NSD1: variants seen among roughly 807,000 people sequenced by gnomAD.
NSD1 encodes histone-lysine N-methyltransferase, H3 lysine-36 specific.
In NSD1, 26 loss-of-function variants were observed where a neutral mutation model predicts 242.7. The observed-to-expected ratio is 0.11, with a 90% confidence interval of 0.08 to 0.15. NSD1 has a LOEUF of 0.15. NSD1 is among the 10% of genes least tolerant of loss of function. The pLI, the probability that NSD1 is intolerant of heterozygous loss-of-function variation, is 1.00. For missense variants in NSD1, 2,495 were observed against 3,272.8 expected (o/e 0.76, Z 5.80); for synonymous variants, 1,106 against 1,178.1 (o/e 0.94, Z 1.25).
chr5:177,221,938 TAGCTGGG>T (rs1378830502), intron 5 of NSD1, among the ~76,000 whole-genome samples: 1 of 152,098 alleles, frequency 6.6e-6, no homozygotes, highest in African/African-American at 2.4e-5. Context: ...GCCTCCTAAG[TAGCTGGG>T]ACTACAGGGT....
chr5:177,152,554 C>A (rs1400791483), intron 2 of NSD1, among the ~76,000 whole-genome samples: 1 of 147,762 alleles, frequency 6.8e-6, no homozygotes, highest in African/African-American at 2.5e-5. Context: ...CCCGGGTTCA[C>A]GCCATTCTCC....
Position 177,210,212 on chromosome 5 carries a change from GAGA to G in NSD1, c.1818_1820del (p.Lys606del). On this transcript the variant is annotated inframe_deletion, in exon 5 of 23. Transcript: ENST00000439151. ...TGCTTTGATCTCAAAGTGTTCTCGA[GAGA>G]AGAATAAACCCCAACGAAGCCTGGT... 1 of 1,596,538 alleles carries G rather than the reference GAGA, an allele frequency of 6.3e-7. No individual in the cohort carries two copies. Among genetic ancestry groups the G allele is most frequent in the Non-Finnish European group, 8.5e-7 (1 of 1,172,174 alleles).
chr5:177,237,062 C>T (rs551513595), intron 6 of NSD1, among the ~76,000 whole-genome samples: 12 of 152,112 alleles, frequency 7.9e-5, no homozygotes, highest in Non-Finnish European at 1.6e-4. Context: ...TGGCTGGTCT[C>T]GAATTCCTGG....
intron 3 of NSD1, among the ~76,000 whole-genome samples, chr5:177,194,761 G>C (rs1395301513): frequency 7.1e-6 from 1 of 140,848 alleles, no homozygotes; most frequent in Non-Finnish European, 1.5e-5. Flanking sequence ...GAGTGCAGTG[G>C]CACAATCTCG....
chr5:177,281,188 T>A (rs1276913178), intron 18 of NSD1, among the ~76,000 whole-genome samples: 1 of 152,170 alleles, frequency 6.6e-6, no homozygotes, highest in African/African-American at 2.4e-5. Context: ...AATAAAACAT[T>A]TTTAGTGAGG....
At chr5:177,242,514 A>ATTATTTAT (rs10605953) in intron 8 of NSD1, among the ~76,000 whole-genome samples, 14,226 of 145,446 alleles carry the variant, frequency 0.098, 1,087 homozygotes, top group African/African-American at 0.21. Context: ...AATGGCCTTT[A>ATTATTTAT]TTATTTATTT....
At chr5:177,150,799 G>A (rs1429408289) in intron 2 of NSD1, among the ~76,000 whole-genome samples, 1 of 152,114 alleles carries the variant, frequency 6.6e-6, no homozygotes, top group Non-Finnish European at 1.5e-5. Flanking sequence ...GATTTCTCTT[G>A]ATGCTGTAAT....
intron 5 of NSD1, among the ~76,000 whole-genome samples, chr5:177,223,434 G>A (rs151204045): frequency 6.6e-6 from 1 of 151,926 alleles, no homozygotes; most frequent in African/African-American, 2.4e-5. Context: ...TTAGCCGGAT[G>A]TGGTAGCAGA....
intron 14 of NSD1, chr5:177,265,803 T>C (rs1433528684): frequency 4.3e-6 from 6 of 1,399,216 alleles, no homozygotes; most frequent in Non-Finnish European, 6.1e-6. Context: ...CCGGTCCTCT[T>C]GTGGCAGTGC....
At chr5:177,241,410 CAGG>C (rs1160925627) in intron 8 of NSD1, among the ~76,000 whole-genome samples, 3 of 151,210 alleles carry the variant, frequency 2.0e-5, no homozygotes, top group African/African-American at 7.3e-5. Flanking sequence ...GAGGCTGAGA[CAGG>C]AGAATTGCTG....
chr5:177,228,818 T>G (rs1261254496), intron 5 of NSD1, among the ~76,000 whole-genome samples: 1 of 152,228 alleles, frequency 6.6e-6, no homozygotes, highest in Non-Finnish European at 1.5e-5. Context: ...TCGTACATTT[T>G]ATGTATACAA....
At position 177,211,126 on chromosome 5, in the gene NSD1, A is replaced by G. The variant is rs935497515; in HGVS notation, c.2727A>G (p.Thr909=). The G allele has an allele frequency of 6.2e-7, 1 of 1,614,184 alleles. No individual in the cohort carries two copies. ...IPIEPDYKFS[T]LLMMLKDMHD... Reference sequence around the variant, plus strand: ...TTGAACCAGACTACAAATTCAGTACATTGCTAATGATGTTGAAAGATATGC... The same window carrying G: ...TTGAACCAGACTACAAATTCAGTACGTTGCTAATGATGTTGAAAGATATGC... Residue 909 remains threonine (T), a synonymous_variant, in exon 5 of 23, where the codon ACA becomes ACG. Coordinates refer to ENST00000439151, the MANE Select transcript of NSD1 (RefSeq NM_022455.5).
chr5:177,138,094 AAAACAAAC>A (rs140274552), intron 2 of NSD1, among the ~76,000 whole-genome samples: 52 of 136,176 alleles, frequency 3.8e-4, no homozygotes, highest in East Asian at 1.2e-3. Context: ...AAACAACAAA[AAAACAAAC>A]AAACAAACAA....
intron 17 of NSD1, among the ~76,000 whole-genome samples, chr5:177,277,933 C>T (rs1285786942): frequency 6.6e-6 from 1 of 152,184 alleles, no homozygotes; most frequent in East Asian, 1.9e-4. Flanking sequence ...AAAAATATTT[C>T]GAATCAGAAG....
intron 2 of NSD1, among the ~76,000 whole-genome samples, chr5:177,141,446 T>A (rs1756811764): frequency 6.9e-6 from 1 of 145,720 alleles, no homozygotes; most frequent in African/African-American, 2.5e-5. Flanking sequence ...TTCTTGTGCC[T>A]CAGCCTCCCA....
chr5:177,280,651 C>G lies in NSD1; in HGVS notation c.5709C>G (p.Asn1903Lys). 1 of 1,614,192 alleles carries G rather than the reference C, an allele frequency of 6.2e-7. No individual in the cohort carries two copies. The highest frequency in any genetic ancestry group is 8.5e-7 in the Non-Finnish European group (1 of 1,180,040). The change falls in exon 18 of 23, where the codon AAC becomes AAG. Residue 1903 changes from asparagine (N) to lysine (K), a missense_variant. Physicochemically the swap from Asn to Lys is moderately conservative, Grantham distance 94. Coordinates refer to ENST00000439151, the MANE Select transcript of NSD1 (RefSeq NM_022455.5). ...PRCNCKATDE[N>K]PCGIDSECIN... ...GCAACTGTAAAGCTACTGATGAGAA[C>G]CCCTGTGGGATAGACTCTGAATGCA...
intron 2 of NSD1, among the ~76,000 whole-genome samples, chr5:177,143,942 T>A (rs1185752473): frequency 6.6e-6 from 1 of 151,954 alleles, no homozygotes; most frequent in African/African-American, 2.4e-5. Context: ...TGCGCCACCA[T>A]GCCCGACTAA....
chr5:177,258,532 T>G (rs1296281064), intron 13 of NSD1, among the ~76,000 whole-genome samples: 2 of 151,642 alleles, frequency 1.3e-5, no homozygotes, highest in East Asian at 3.9e-4. Context: ...GTTGTTGTTG[T>G]TTGTTGTTGT....
chr5:177,174,374 A>G (rs916269739), intron 2 of NSD1, among the ~76,000 whole-genome samples: 2 of 152,124 alleles, frequency 1.3e-5, no homozygotes, highest in African/African-American at 4.8e-5. Context: ...CACCTTGCCA[A>G]GCTAATTTTT....
Sources: allele counts gnomAD v4.1 joint callset (sites outside exome capture counted in the v4.1 genomes callset), GRCh38; gene constraint gnomAD v4.1.1; transcripts MANE v1.5; gene names NCBI Gene and HGNC (gene_info 2026-07-23, HGNC 2026-07-21).